INSR: variants seen among roughly 807,000 people sequenced by gnomAD.
The protein encoded by INSR is IR.
A neutral mutation model predicts 142.6 loss-of-function variants in INSR; 67 were observed. That is an observed-to-expected ratio of 0.47 (90% CI 0.39 to 0.58). The LOEUF is 0.58. Among genes scored for constraint, INSR ranks in the 20% least tolerant of loss-of-function variants. The pLI is 0.00. For synonymous variants in INSR, 756 were observed against 743.1 expected, an observed-to-expected ratio of 1.02 and a Z score of -0.28; for missense variants, 1,248 against 1,833.2, an observed-to-expected ratio of 0.68 and a Z score of 5.83.
chr19:7,183,713 CTTA>C (rs2144986088), intron 3 of INSR, among the ~76,000 whole-genome samples: 1 of 152,136 alleles, frequency 6.6e-6, no homozygotes, highest in East Asian at 1.9e-4. Flanking sequence ...GGACTCTGTC[CTTA>C]TTATATTTTC....
chr19:7,163,419 G>T (rs1973808805), intron 8 of INSR, among the ~76,000 whole-genome samples: 1 of 152,006 alleles, frequency 6.6e-6, no homozygotes, highest in Non-Finnish European at 1.5e-5. Flanking sequence ...AATTAGCCAG[G>T]TGTGGTGGTG....
chr19:7,118,569 G>C (rs376153507), intron 21 of INSR, among the ~76,000 whole-genome samples: 224 of 151,822 alleles, frequency 1.5e-3, no homozygotes, highest in African/African-American at 5.2e-3. Flanking sequence ...CGTTCACCTC[G>C]GTCTCCCAAA....
In INSR at chr19:7,117,162, G is replaced by A. The variant is rs764041031; in HGVS notation, c.4043C>T (p.Ser1348Leu). Residue 1348 changes from serine (S) to leucine (L), a missense_variant, in exon 22 of 22, where the codon TCG (serine) becomes TTG (leucine). This residue lies in a region of INSR where 122 missense variants were observed against 129.8 expected (regional missense o/e 0.94). Coordinates refer to ENST00000302850, the MANE Select transcript of INSR (RefSeq NM_000208.4). Reference protein sequence around the residue: ...EEAGGRDGGSSLGFKRSYEEH... With the variant: ...EEAGGRDGGSLLGFKRSYEEH... Reference sequence around the variant, plus strand: ...CTCGTAGCTCCGCTTGAAACCCAGCGAGGACCCTCCATCCCGGCCCCCCGC... The same window carrying A: ...CTCGTAGCTCCGCTTGAAACCCAGCAAGGACCCTCCATCCCGGCCCCCCGC... 8.7e-6 allele frequency: 14 copies of A among 1,613,898 alleles called. No individual in the cohort carries two copies. The highest frequency in any genetic ancestry group is 8.0e-5 in the African/African-American group (6 of 74,876).
intron 2 of INSR, among the ~76,000 whole-genome samples, chr19:7,212,911 G>A (rs368620731): frequency 4.6e-5 from 7 of 151,916 alleles, no homozygotes; most frequent in East Asian, 1.9e-4. Flanking sequence ...ATCTGCTTCT[G>A]TACCACCCTC....
chr19:7,130,904 A>G (rs1456125831), intron 14 of INSR, among the ~76,000 whole-genome samples: 2 of 146,818 alleles, frequency 1.4e-5, no homozygotes, highest in Admixed American at 1.4e-4. Flanking sequence ...TTTGAGACAG[A>G]GTCTCACTCT....
chr19:7,212,689 G>A (rs1322558546), intron 2 of INSR, among the ~76,000 whole-genome samples: 2 of 151,966 alleles, frequency 1.3e-5, no homozygotes, highest in Non-Finnish European at 2.9e-5. Context: ...GGGTTCAAGC[G>A]ATTCTCCTGC....
At chr19:7,278,852 G>A (rs749019302) in intron 1 of INSR, among the ~76,000 whole-genome samples, 76 of 152,056 alleles carry the variant, frequency 5.0e-4, no homozygotes, top group Non-Finnish European at 9.9e-4. Flanking sequence ...AAATGAGTCC[G>A]GTATGGTGGC....
chr19:7,139,544 G>T (rs1382092125), intron 13 of INSR, among the ~76,000 whole-genome samples: 1 of 152,072 alleles, frequency 6.6e-6, no homozygotes, highest in Admixed American at 6.6e-5. Context: ...TGGATTAGAG[G>T]CATATGCACG....
intron 21 of INSR, among the ~76,000 whole-genome samples, chr19:7,118,801 G>T (rs1427152510): frequency 1.4e-5 from 2 of 147,972 alleles, no homozygotes; most frequent in Admixed American, 6.9e-5. Flanking sequence ...TGTAGTCCTA[G>T]CTACTCGGGA....
chr19:7,199,992 G>C (rs369686109), intron 2 of INSR, among the ~76,000 whole-genome samples: 1 of 152,114 alleles, frequency 6.6e-6, no homozygotes, highest in East Asian at 1.9e-4. Flanking sequence ...GAGAGGAACA[G>C]TACATGCAAA....
intron 1 of INSR, among the ~76,000 whole-genome samples, chr19:7,270,354 C>A (rs201408017): frequency 9.4e-5 from 14 of 148,612 alleles, no homozygotes; most frequent in East Asian, 5.9e-4. Flanking sequence ...CACACACACA[C>A]ACACACACAC....
rs1973927709 is a variant in INSR at position 7,168,029 on chromosome 19, C to T, written c.1549G>A (p.Glu517Lys). 6.2e-7 allele frequency: 1 copy of T among 1,613,980 alleles called. No individual in the cohort carries two copies. ...CGGAAGTCGGGGGGCCAGTACGGCTCCCATCTCAGCAAGATCTTGTCAAAA... is the reference window on the plus strand; with the variant it reads ...CGGAAGTCGGGGGGCCAGTACGGCTTCCATCTCAGCAAGATCTTGTCAAAA... ...TSFDKILLRW[E>K]PYWPPDFRDL... The change falls in exon 7 of 22, where the codon GAG becomes AAG. Residue 517 changes from glutamate to lysine, a missense_variant. By Grantham distance (56) the Glu-to-Lys change is moderately conservative. This residue lies in a region of INSR where 1,069 missense variants were observed against 1,654.0 expected (regional missense o/e 0.65). Transcript: ENST00000302850. The surrounding 1 kb of genome is among the most constrained non-coding windows in gnomAD (Gnocchi z 4.3).
chr19:7,141,436 A>G, intron 13 of INSR: 1 of 554,716 alleles, frequency 1.8e-6, no homozygotes, highest in African/African-American at 1.9e-5. Context: ...ACATCATTCA[A>G]CTTAGAGGAC....
At chr19:7,177,385 A>C (rs1033789840) in intron 3 of INSR, among the ~76,000 whole-genome samples, 7 of 152,294 alleles carry the variant, frequency 4.6e-5, no homozygotes, top group African/African-American at 1.4e-4. Flanking sequence ...AAAGAGGAAA[A>C]TAAAGATGAA....
At chr19:7,236,124 G>T (rs1976152485) in intron 2 of INSR, among the ~76,000 whole-genome samples, 1 of 151,688 alleles carries the variant, frequency 6.6e-6, no homozygotes, top group Admixed American at 6.6e-5. Context: ...ACCACACCCG[G>T]CTAATTTTTG....
intron 17 of INSR, chr19:7,123,246 G>A (rs747391421): frequency 4.4e-6 from 2 of 450,018 alleles, no homozygotes; most frequent in Non-Finnish European, 8.2e-6. Context: ...TCGGCTCACT[G>A]CAACCTTTGC....
Position 7,213,352 on chromosome 19 carries a change from A to C in INSR, c.653-28715T>G, listed in dbSNP as rs911022503. Among the ~76,000 whole-genome samples the C allele has an allele frequency of 1.7e-3, 258 of 148,582 alleles. 1 individual carries two copies. The highest frequency in any genetic ancestry group is 5.7e-3 in the African/African-American group (225 of 39,284). On this transcript the variant is annotated intron_variant, in intron 2 of 21. Coordinates refer to ENST00000302850, the MANE Select transcript of INSR (RefSeq NM_000208.4). Reference sequence around the variant, plus strand: ...GAGCGACTCCATCTCAAAAAAAAAAAAAAAAAACAAACAAAAAACCCTACA... The same window carrying C: ...GAGCGACTCCATCTCAAAAAAAAAACAAAAAAACAAACAAAAAACCCTACA...
chr19:7,222,919 A>C (rs1297631149), intron 2 of INSR, among the ~76,000 whole-genome samples: 1 of 152,156 alleles, frequency 6.6e-6, no homozygotes, highest in Admixed American at 6.5e-5. Context: ...ACTGTGGCTC[A>C]TGCCTGTAAT....
In INSR at chr19:7,117,222, G is replaced by C; in HGVS notation, c.3983C>G (p.Pro1328Arg). 6.2e-7 allele frequency: 1 copy of C among 1,614,084 alleles called. No homozygotes were observed. The highest frequency in any genetic ancestry group is 1.1e-5 in the South Asian group (1 of 91,080). Residue 1328 changes from proline to arginine, a missense_variant, in exon 22 of 22, where the codon CCC becomes CGC. Physicochemically the swap from Pro to Arg is moderately radical, Grantham distance 103 (BLOSUM62 -2). This residue lies in a region of INSR where 122 missense variants were observed against 129.8 expected (regional missense o/e 0.94). Transcript: ENST00000302850. ...EMEFEDMENV[P>R]LDRSSHCQRE... ...CTGACAGTGCGAGGAACGGTCCAGG[G>C]GCACATTCTCCATGTCCTCAAACTC... is the stretch of plus-strand genomic sequence containing the variant.
Sources: allele counts gnomAD v4.1 joint callset (sites outside exome capture counted in the v4.1 genomes callset), GRCh38; gene constraint gnomAD v4.1.1; regional missense constraint gnomAD v4.1.1; non-coding constraint Gnocchi (gnomAD v3.1); transcripts MANE v1.5; gene names NCBI Gene and HGNC (gene_info 2026-07-23, HGNC 2026-07-21).